Variants in PKHD1L1 observed in about 807,000 individuals in gnomAD.
The protein encoded by PKHD1L1 is fibrocystin-L.
Under a neutral mutation model 462.9 loss-of-function variants are expected in PKHD1L1, and 434 were observed. That is an observed-to-expected ratio of 0.94 (90% confidence interval 0.87 to 1.02). The LOEUF (loss-of-function observed/expected upper bound fraction) is 1.02, where lower values mean the gene tolerates loss of function less well. PKHD1L1 is among the 50% of genes least tolerant of loss of function. The pLI is 0.00. For synonymous variants in PKHD1L1, 1,781 were observed against 1,750.0 expected, an observed-to-expected ratio of 1.02 and a Z score of -0.44; for missense variants, 5,202 against 5,096.1, an observed-to-expected ratio of 1.02 and a Z score of -0.63.
chr8:109,438,364 G>A lies in PKHD1L1; in HGVS notation c.3668G>A (p.Gly1223Glu). 1 of 1,538,838 alleles carries A rather than the reference G, an allele frequency of 6.5e-7. No homozygotes were observed. The highest frequency in any genetic ancestry group is 8.8e-7 in the Non-Finnish European group (1 of 1,137,382). ...GTVDISVTTNGFQATARDAFS... is the reference protein window; with the variant it reads ...GTVDISVTTNEFQATARDAFS... ...GTTGATATTTCAGTTACTACCAATG[G>A]ATTTCAAGCCACAGCAAGGGATGCT... The change falls in exon 31 of 78, where the codon GGA becomes GAA. Residue 1223 changes from glycine to glutamate, a missense_variant. By Grantham distance (98) the Gly-to-Glu change is moderately conservative. Transcript: ENST00000378402.
At chr8:109,490,301 T>C (rs1818764642) in intron 60 of PKHD1L1, among the ~76,000 whole-genome samples, 1 of 151,814 alleles carries the variant, frequency 6.6e-6, no homozygotes, top group Non-Finnish European at 1.5e-5. Context: ...ATCAAAGATC[T>C]ATAATAGTGG....
At chr8:109,470,270 T>G in intron 50 of PKHD1L1, 1 of 1,437,756 alleles carries the variant, frequency 7.0e-7, no homozygotes. Flanking sequence ...TACTGTGATC[T>G]GGAGTGTAGC....
Position 109,419,219 on chromosome 8 carries a change from T to G in PKHD1L1, c.2483T>G (p.Val828Gly), listed in dbSNP as rs143979071. Residue 828 changes from valine (V) to glycine (G), a missense_variant, in exon 22 of 78, where the codon GTA becomes GGA. Val to Gly is a moderately radical substitution (Grantham distance 109). Around this residue, in one of 3 missense-constraint regions of PKHD1L1, gnomAD observed 4,497 missense variants for 4,336.8 expected, o/e 1.04. Transcript: ENST00000378402. ...ASESQSFYVD[V>G]VYIGHTSTIS... is the part of the protein sequence containing the mutation. ...GAATCACAGTCCTTCTATGTGGATG[T>G]AGTGTACATTGGACACACATCTACA... 1.9e-6 allele frequency: 3 copies of G among 1,612,052 alleles called. No homozygotes were observed. Among genetic ancestry groups the G allele is most frequent in the South Asian group, 2.2e-5 (2 of 90,798 alleles).
chr8:109,528,182 G>C (rs1820910206), intron 77 of PKHD1L1, among the ~76,000 whole-genome samples: 1 of 152,168 alleles, frequency 6.6e-6, no homozygotes, highest in African/African-American at 2.4e-5. Context: ...GATTTGGAAA[G>C]GGAGGGAAAA....
At chr8:109,436,542 G>T in intron 30 of PKHD1L1, 83 bp downstream of exon 30, 3 of 1,550,604 alleles carry the variant, frequency 1.9e-6, no homozygotes, top group Non-Finnish European at 2.6e-6. Flanking sequence ...GGCGGGGGGT[G>T]AAACAAGTGG....
rs11475834 is a variant in PKHD1L1, at chr8:109,497,430, C to CTT, written c.10599+177_10599+178dup. On this transcript the variant is annotated intron_variant, in intron 65 of 77. Transcript: ENST00000378402. The stretch of plus-strand genomic sequence containing the variant: ...ACTGCCCTCTGCCTAAAAAACCGTT[C>CTT]TTTTTTTTTTTTTTTTTTTTGAGAT... Among the ~76,000 whole-genome samples, 210 of 113,504 alleles carry CTT rather than the reference C, an allele frequency of 1.9e-3. 2 individuals carry two copies. The highest frequency in any genetic ancestry group is 4.0e-3 in the African/African-American group (120 of 30,008). The allele number at this position is 113,504 out of a possible 152,430, so 74.5% of individuals were successfully genotyped here.
intron 77 of PKHD1L1, among the ~76,000 whole-genome samples, chr8:109,529,322 A>G (rs1820965252): frequency 6.6e-6 from 1 of 152,160 alleles, no homozygotes; most frequent in African/African-American, 2.4e-5. Context: ...AATATAGACA[A>G]GGGGGTTTAT....
At chr8:109,459,930 C>A in intron 47 of PKHD1L1, 94 bp downstream of exon 47, 1 of 1,038,318 alleles carries the variant, frequency 9.6e-7, no homozygotes, top group Non-Finnish European at 1.3e-6. Flanking sequence ...CAATGTATTT[C>A]ATTGTAAATA....
At position 109,530,212 on chromosome 8, in the gene PKHD1L1, T is replaced by C. The variant is rs1193565003; in HGVS notation, c.*122T>C. ...ATACTAAAAATATTTTTATGATATA[T>C]AAAATGTACTAATTAGCTTTAAACA... is the stretch of plus-strand genomic sequence containing the variant. On this transcript the variant is annotated 3_prime_UTR_variant, in exon 78 of 78. Coordinates refer to ENST00000378402, the MANE Select transcript of PKHD1L1 (RefSeq NM_177531.6). The C allele has an allele frequency of 2.1e-6, 1 of 471,578 alleles. No homozygotes were observed. Among genetic ancestry groups the C allele is most frequent in the Non-Finnish European group, 3.4e-6 (1 of 294,052 alleles). The allele number at this position is 471,578 out of a possible 1,614,324, so 29.2% of individuals were successfully genotyped here.
At chr8:109,393,590 G>A (rs1158794043) in intron 9 of PKHD1L1, among the ~76,000 whole-genome samples, 2 of 152,160 alleles carry the variant, frequency 1.3e-5, no homozygotes, top group Non-Finnish European at 2.9e-5. Flanking sequence ...GTAGTACTGT[G>A]TAATACACAC....
rs1285936083 is a variant in PKHD1L1, at chr8:109,530,085, T to C, written c.12727T>C (p.Tyr4243His). 7.3e-7 allele frequency: 1 copy of C among 1,364,588 alleles called. No homozygotes were observed. The highest frequency in any genetic ancestry group is 9.6e-7 in the Non-Finnish European group (1 of 1,037,794). 84.5% of individuals were successfully genotyped at this position (1,364,588 alleles called of 1,614,324 possible). The change falls in exon 78 of 78, where the codon TAC (tyrosine) becomes CAC (histidine). Residue 4243 changes from tyrosine (Y) to histidine (H), a missense_variant. Physicochemically the swap from Tyr to His is moderately conservative, Grantham distance 83. Coordinates refer to ENST00000378402, the MANE Select transcript of PKHD1L1 (RefSeq NM_177531.6). The part of the protein sequence containing the change: ...VSTLNITLRS[Y>H] Reference sequence around the variant, plus strand: ...GTATTGTTTCCATTTTTCAGGAAGCTACTAAAGTGCTGTTCCGAAGAATAG... The same window carrying C: ...GTATTGTTTCCATTTTTCAGGAAGCCACTAAAGTGCTGTTCCGAAGAATAG...
At chr8:109,478,236 TG>T (rs145996761) in intron 53 of PKHD1L1, among the ~76,000 whole-genome samples, 2 of 152,302 alleles carry the variant, frequency 1.3e-5, no homozygotes, top group East Asian at 3.9e-4. Context: ...AAATTGAATT[TG>T]TTTATATATT....
chr8:109,384,137 A>G lies in PKHD1L1; in HGVS notation c.475+10A>G, dbSNP rs747598191. The G allele has an allele frequency of 5.0e-6, 8 of 1,592,448 alleles. No homozygotes were observed. The highest frequency in any genetic ancestry group is 6.9e-6 in the Non-Finnish European group (8 of 1,162,638). On this transcript the variant is annotated intron_variant, in intron 5 of 77. Transcript: ENST00000378402. ...TTATCTGGAACTCCAGGTCTGTTAT[A>G]TGACATCTGAAATAACTTTTGGTTT...
At chr8:109,419,403 A>T (rs376901169) in intron 22 of PKHD1L1, 143 bp downstream of exon 22, 145 of 628,464 alleles carry the variant, frequency 2.3e-4, no homozygotes, top group Middle Eastern at 1.4e-3. Flanking sequence ...TAATATTATG[A>T]TTTTATTTTG....
chr8:109,489,647 A>T (rs927186634), intron 59 of PKHD1L1, among the ~76,000 whole-genome samples: 11 of 151,932 alleles, frequency 7.2e-5, no homozygotes, highest in Admixed American at 5.9e-4. Flanking sequence ...GGTGGGGGCA[A>T]AAAACGTAGG....
intron 56 of PKHD1L1, 107 bp downstream of exon 56, chr8:109,481,669 A>T: frequency 2.9e-6 from 3 of 1,047,588 alleles, no homozygotes; most frequent in Non-Finnish European, 3.7e-6. Context: ...ACTTTATCAT[A>T]AAAAGTACTT....
intron 29 of PKHD1L1, 123 bp from the exon 30 acceptor site, chr8:109,436,215 C>T (rs1815398280): frequency 5.1e-6 from 5 of 984,864 alleles, no homozygotes; most frequent in Admixed American, 2.7e-5. Flanking sequence ...GATCTATTGG[C>T]CAGTACATCT....
At chr8:109,463,301 A>T (rs1036666637) in intron 48 of PKHD1L1, among the ~76,000 whole-genome samples, 1 of 152,104 alleles carries the variant, frequency 6.6e-6, no homozygotes, top group Non-Finnish European at 1.5e-5. Context: ...GGAGGAAGGG[A>T]TAATAAAATC....
chr8:109,403,029 G>T (rs1235363450), intron 14 of PKHD1L1, among the ~76,000 whole-genome samples: 1 of 152,142 alleles, frequency 6.6e-6, no homozygotes, highest in East Asian at 1.9e-4. Flanking sequence ...GCAATTAAGT[G>T]TCAGTACATT....
Sources: allele counts gnomAD v4.1 joint callset (sites outside exome capture counted in the v4.1 genomes callset), GRCh38; gene constraint gnomAD v4.1.1; regional missense constraint gnomAD v4.1.1; transcripts MANE v1.5; gene names NCBI Gene and HGNC (gene_info 2026-07-23, HGNC 2026-07-21).